CALN1: variants seen among roughly 807,000 people sequenced by gnomAD.
The protein encoded by CALN1 is calneuron 1, also known as calcium-binding protein 8.
Under a neutral mutation model 30.6 loss-of-function variants are expected in CALN1, and 17 were observed. The ratio of observed to expected loss-of-function variants is 0.56; its 90% CI spans 0.38 to 0.83. The LOEUF is 0.83. Ranked by LOEUF, CALN1 falls within the 40% of genes least tolerant of loss-of-function variation. The pLI is 0.00. For missense variants in CALN1, 291 were observed against 354.9 expected (o/e 0.82, Z 1.45); for synonymous variants, 156 against 131.4 (o/e 1.19, Z -1.28).
At chr7:72,121,305 A>C (rs1368942944) in intron 3 of CALN1, among the ~76,000 whole-genome samples, 13 of 143,226 alleles carry the variant, frequency 9.1e-5, no homozygotes, top group Non-Finnish European at 1.8e-4. Flanking sequence ...ATAATTTATA[A>C]ATTAAGTGAA....
intron 3 of CALN1, among the ~76,000 whole-genome samples, chr7:72,135,518 G>T (rs1809447642): frequency 6.6e-6 from 1 of 152,130 alleles, no homozygotes; most frequent in African/African-American, 2.4e-5. Flanking sequence ...TCAATGAGCA[G>T]GAATATTTTG....
chr7:72,276,623 T>C (rs1215482707), intron 3 of CALN1, among the ~76,000 whole-genome samples: 3 of 152,072 alleles, frequency 2.0e-5, no homozygotes, highest in Non-Finnish European at 4.4e-5. Context: ...ATTAATGTCA[T>C]TATCTCGGGG....
chr7:71,784,922 TTG>T lies in CALN1; in HGVS notation c.*2851_*2852del. ...CTGGCATGGGGCCCTAGCATAAAAT[TTG>T]TGTGAACAGGGCTGGGAGTTGGCTG... is the stretch of plus-strand genomic sequence containing the variant. On this transcript the variant is annotated 3_prime_UTR_variant, in exon 7 of 7. Coordinates refer to ENST00000395275, the MANE Select transcript of CALN1 (RefSeq NM_031468.4). 1 of 398,538 alleles carries T rather than the reference TTG, an allele frequency of 2.5e-6. No individual in the cohort carries two copies. The highest frequency in any genetic ancestry group is 4.4e-5 in the Admixed American group (1 of 22,724). 24.7% of individuals were successfully genotyped at this position (398,538 alleles called of 1,614,324 possible). A position where few individuals can be genotyped will look rare whatever the true frequency, so the allele number is the denominator to read the frequency against.
At chr7:72,477,896 C>T in the CALN1 span, among the ~76,000 whole-genome samples, 1 of 152,124 alleles carries the variant, frequency 6.6e-6, no homozygotes, top group African/African-American at 2.4e-5. Flanking sequence ...CTTTATTCTC[C>T]AAAACCTCCT....
At chr7:72,490,302 TAAAC>T in the CALN1 span, among the ~76,000 whole-genome samples, 1 of 152,012 alleles carries the variant, frequency 6.6e-6, no homozygotes, top group Non-Finnish European at 1.5e-5. Flanking sequence ...TAAAACAAAA[TAAAC>T]AAAAACACTG....
At chr7:72,109,908 C>A (rs2129541497) in intron 3 of CALN1, among the ~76,000 whole-genome samples, 1 of 148,812 alleles carries the variant, frequency 6.7e-6, no homozygotes, top group East Asian at 2.1e-4. Context: ...GTCCTTCCAG[C>A]CTCTATAGCA....
At chr7:72,113,882 A>C (rs1807751905) in intron 3 of CALN1, among the ~76,000 whole-genome samples, 1 of 152,176 alleles carries the variant, frequency 6.6e-6, no homozygotes, top group African/African-American at 2.4e-5. Flanking sequence ...CCAAGAGCTC[A>C]GGCATCAGGG....
chr7:72,396,834 G>A (rs934949468), intron 2 of CALN1, among the ~76,000 whole-genome samples: 5 of 152,144 alleles, frequency 3.3e-5, no homozygotes, highest in African/African-American at 9.7e-5. Context: ...ACTTCGTTGA[G>A]GTTGAAGGTT....
At chr7:72,147,479 A>ATGATGT (rs1156842944) in intron 3 of CALN1, among the ~76,000 whole-genome samples, 1 of 136,488 alleles carries the variant, frequency 7.3e-6, no homozygotes, top group African/African-American at 2.7e-5. Context: ...GGTGTTGGAG[A>ATGATGT]GGACTGTTAC....
At chr7:72,425,995 A>T (rs1007382092) in intron 1 of CALN1, among the ~76,000 whole-genome samples, 2 of 152,254 alleles carry the variant, frequency 1.3e-5, no homozygotes, top group Non-Finnish European at 2.9e-5. Flanking sequence ...CAAATGCCTC[A>T]GGGCGAAGGT....
intron 4 of CALN1, among the ~76,000 whole-genome samples, chr7:72,037,331 T>C (rs1357218744): frequency 6.6e-6 from 1 of 152,066 alleles, no homozygotes; most frequent in Admixed American, 6.6e-5. Context: ...TTTGTATTTT[T>C]AGTAGAGATG....
chr7:72,352,012 C>T (rs1251765057), intron 2 of CALN1, among the ~76,000 whole-genome samples: 1 of 152,142 alleles, frequency 6.6e-6, no homozygotes, highest in Non-Finnish European at 1.5e-5. Context: ...GGTGTGGTGG[C>T]TCATGCCTGT....
At chr7:71,990,882 G>A (rs963034136) in intron 5 of CALN1, among the ~76,000 whole-genome samples, 1 of 152,098 alleles carries the variant, frequency 6.6e-6, no homozygotes, top group African/African-American at 2.4e-5. Flanking sequence ...TCTGGATTGG[G>A]GCCCGTTTCT....
chr7:72,278,821 G>C lies in CALN1; in HGVS notation c.120-11C>G, dbSNP rs747408718. The C allele has an allele frequency of 1.2e-6, 2 of 1,600,388 alleles. No individual in the cohort carries two copies. The highest frequency in any genetic ancestry group is 1.3e-5 in the African/African-American group (1 of 74,740). On this transcript the variant is annotated splice_polypyrimidine_tract_variant and intron_variant, in intron 2 of 6. Coordinates refer to ENST00000395275, the MANE Select transcript of CALN1 (RefSeq NM_031468.4). ...AACGGCATCTTTTCCCTGCCCAAGA[G>C]AGAACAGGGGAGGGGAAAAGAAAGA...
chr7:72,483,356 C>A, the CALN1 span, among the ~76,000 whole-genome samples: 1 of 149,366 alleles, frequency 6.7e-6, no homozygotes, highest in Non-Finnish European at 1.5e-5. Context: ...ACGATCTCAG[C>A]TCACTGCAAC....
intron 4 of CALN1, chr7:72,103,398 G>A (rs112315818): frequency 0.019 from 2,955 of 154,578 alleles, 95 homozygotes; most frequent in African/African-American, 0.067. Flanking sequence ...GGGTGGAGCA[G>A]TCATGGCATA....
chr7:72,011,714 C>T (rs1800092197), intron 5 of CALN1, among the ~76,000 whole-genome samples: 1 of 152,172 alleles, frequency 6.6e-6, no homozygotes, highest in African/African-American at 2.4e-5. Flanking sequence ...CTCACTCTGA[C>T]ACCCAGGCTG....
chr7:72,413,209 A>ACG (rs1274182667), upstream of CALN1, among the ~76,000 whole-genome samples: 1 of 151,648 alleles, frequency 6.6e-6, no homozygotes, highest in African/African-American at 2.4e-5. Flanking sequence ...ACTCACACAC[A>ACG]CACACTCATA....
chr7:72,016,322 T>G (rs1429751938), intron 5 of CALN1, among the ~76,000 whole-genome samples: 2 of 151,988 alleles, frequency 1.3e-5, no homozygotes, highest in Non-Finnish European at 2.9e-5. Flanking sequence ...CATAACAGAT[T>G]TGCAGTCACA....
Sources: gnomAD v4.1 joint callset for allele counts (sites outside exome capture counted in the v4.1 genomes callset) on GRCh38, gnomAD v4.1.1 for gene constraint, MANE v1.5 for transcripts, NCBI Gene and HGNC (gene_info 2026-07-23, HGNC 2026-07-21) for gene names.